The following LRP1B variants were observed in gnomAD, a reference collection of about 807,000 sequenced individuals.
LRP1B encodes LDL receptor related protein 1B.
In LRP1B, 217 loss-of-function variants were observed where a neutral mutation model predicts 556.6. The observed-to-expected ratio is 0.39, with a 90% CI of 0.35 to 0.44. LRP1B has a LOEUF of 0.44. Ranked by LOEUF, LRP1B falls within the 20% of genes least tolerant of loss-of-function variation. The pLI, the probability that LRP1B is intolerant of heterozygous loss-of-function variation, is 1.00. For synonymous variants in LRP1B, 2,047 were observed against 1,865.8 expected (o/e 1.10, Z -2.50); for missense variants, 5,053 against 5,620.8 (o/e 0.90, Z 3.23).
chr2:140,279,740 A>C (rs2104962827), intron 84 of LRP1B, among the ~76,000 whole-genome samples: 2 of 152,072 alleles, frequency 1.3e-5, no homozygotes, highest in East Asian at 3.9e-4. Context: ...TTGGTTCTAA[A>C]GGTTACTTTA....
intron 86 of LRP1B, 28 bp from the exon 87 acceptor site, chr2:140,247,190 C>G (rs2104899412): frequency 6.5e-7 from 1 of 1,531,322 alleles, no homozygotes; most frequent in Non-Finnish European, 9.0e-7. Context: ...ACAAACAAAA[C>G]AGATCAGCGA....
intron 41 of LRP1B, among the ~76,000 whole-genome samples, chr2:140,626,538 A>T (rs1683666175): frequency 6.6e-6 from 1 of 152,144 alleles, no homozygotes; most frequent in Non-Finnish European, 1.5e-5. Context: ...TAAAAAATAA[A>T]ATCTAGTAAC....
chr2:140,495,765 G>A lies in LRP1B; in HGVS notation c.8851-17C>T, dbSNP rs1688897250. The A allele has an allele frequency of 1.3e-6, 2 of 1,587,430 alleles. No individual in the cohort carries two copies. Among genetic ancestry groups the A allele is most frequent in the Non-Finnish European group, 1.7e-6 (2 of 1,159,314 alleles). On this transcript the variant is annotated splice_polypyrimidine_tract_variant and intron_variant, in intron 55 of 90. Transcript: ENST00000389484. ...GCATTTGCACTGGGAAAAGAAAAAT[G>A]AGCATAATCAATTCATATCATTGTC...
intron 2 of LRP1B, among the ~76,000 whole-genome samples, chr2:141,555,468 C>G (rs887950557): frequency 6.6e-6 from 1 of 151,894 alleles, no homozygotes; most frequent in African/African-American, 2.4e-5. Context: ...AAGTCCTGGA[C>G]AAAGCAGAGT....
chr2:141,862,420 G>C (rs77279465), intron 1 of LRP1B, among the ~76,000 whole-genome samples: 14 of 151,924 alleles, frequency 9.2e-5, no homozygotes, highest in Admixed American at 8.5e-4. Flanking sequence ...CTGAAATTAC[G>C]TGAAAAAAAA....
At chr2:141,625,707 T>C (rs1042180330) in intron 2 of LRP1B, among the ~76,000 whole-genome samples, 1 of 152,160 alleles carries the variant, frequency 6.6e-6, no homozygotes, top group Non-Finnish European at 1.5e-5. Context: ...TTTAAACTTG[T>C]AGTTACTTTT....
chr2:141,798,501 G>A (rs929150570), intron 2 of LRP1B, among the ~76,000 whole-genome samples: 1 of 151,978 alleles, frequency 6.6e-6, no homozygotes, highest in African/African-American at 2.4e-5. Context: ...GCAGTCAAGA[G>A]ATTGAGACCA....
intron 37 of LRP1B, among the ~76,000 whole-genome samples, chr2:140,709,451 G>T (rs752777757): frequency 8.5e-6 from 1 of 117,724 alleles, no homozygotes; most frequent in East Asian, 2.1e-4. Context: ...GGAGCAGGAG[G>T]AAGAAGAAGA....
rs542442452 is a variant in LRP1B, at chr2:140,721,315, G to A, written c.5759-4499C>T. Among the ~76,000 whole-genome samples, 98 of 152,054 alleles carry A rather than the reference G, an allele frequency of 6.4e-4. No individual in the cohort carries two copies. The South Asian group carries it at 8.7e-3, about 14-fold the overall frequency. On this transcript the variant is annotated intron_variant, in intron 35 of 90. Transcript: ENST00000389484. ...TGATTTTTCCCAGAACATGCTACTC[G>A]TGGCTTTTATGTCACATTTCTTTTT...
chr2:140,689,476 T>A (rs138806120), intron 41 of LRP1B, among the ~76,000 whole-genome samples: 2,481 of 152,322 alleles, frequency 0.016, 87 homozygotes, highest in Admixed American at 0.071. Flanking sequence ...AATTTGTGAA[T>A]CGTTCATTGC....
intron 3 of LRP1B, among the ~76,000 whole-genome samples, chr2:141,423,974 T>C (rs919325795): frequency 6.6e-6 from 1 of 152,138 alleles, no homozygotes; most frequent in Admixed American, 6.5e-5. Context: ...ACATATCACC[T>C]CTATTTTGAA....
chr2:140,462,606 A>G (rs549522160), intron 60 of LRP1B, among the ~76,000 whole-genome samples: 62 of 152,308 alleles, frequency 4.1e-4, no homozygotes, highest in African/African-American at 1.5e-3. Flanking sequence ...TGTCCTTGCA[A>G]TGCAATTCAT....
At chr2:140,473,623 T>A (rs927012562) in intron 60 of LRP1B, among the ~76,000 whole-genome samples, 10 of 151,906 alleles carry the variant, frequency 6.6e-5, no homozygotes, top group African/African-American at 2.4e-4. Flanking sequence ...ATTTTAGCTA[T>A]TCAGACTTCA....
chr2:140,433,842 T>A (rs1344259106), intron 66 of LRP1B, among the ~76,000 whole-genome samples: 3 of 151,912 alleles, frequency 2.0e-5, no homozygotes, highest in Non-Finnish European at 4.4e-5. Context: ...TTTCTTCTTT[T>A]TTTTTCTCAA....
chr2:141,314,838 A>G (rs1196471338), intron 3 of LRP1B, among the ~76,000 whole-genome samples: 4 of 130,354 alleles, frequency 3.1e-5, no homozygotes, highest in African/African-American at 1.1e-4. Context: ...GTGTATATAT[A>G]TATATACACA....
intron 32 of LRP1B, among the ~76,000 whole-genome samples, chr2:140,785,811 C>T (rs1021246): frequency 0.88 from 133,303 of 151,958 alleles, 58,778 homozygotes; most frequent in East Asian, 1. Context: ...TCTTTCCCAG[C>T]AGACTTTTCT....
Position 141,956,112 on chromosome 2 carries a change from C to T in LRP1B, c.83-145711G>A, listed in dbSNP as rs1418221155. The stretch of plus-strand genomic sequence containing the variant: ...TCTGTTTCTAGCTGGGATACTAAGA[C>T]AGGCATATGCCTAGGAATTGAATTT... On this transcript the variant is annotated intron_variant, in intron 1 of 90. Transcript: ENST00000389484. Among the ~76,000 whole-genome samples the T allele has an allele frequency of 2.0e-4, 30 of 152,022 alleles. 1 individual carries two copies. The highest frequency in any genetic ancestry group is 1.8e-3 in the Admixed American group (28 of 15,244).
chr2:140,343,910 G>T (rs1296629072), intron 77 of LRP1B, among the ~76,000 whole-genome samples: 1 of 151,662 alleles, frequency 6.6e-6, no homozygotes, highest in Admixed American at 6.6e-5. Context: ...TAGTTGCCTG[G>T]TGATGGGAGA....
At chr2:140,653,765 C>G (rs1472492370) in intron 41 of LRP1B, among the ~76,000 whole-genome samples, 1 of 151,904 alleles carries the variant, frequency 6.6e-6, no homozygotes, top group African/African-American at 2.4e-5. Context: ...TGGCTCATGC[C>G]TGTAATCCCA....
Sources: gnomAD v4.1 joint callset for allele counts (sites outside exome capture counted in the v4.1 genomes callset) on GRCh38, gnomAD v4.1.1 for gene constraint, MANE v1.5 for transcripts, NCBI Gene and HGNC (gene_info 2026-07-23, HGNC 2026-07-21) for gene names.